COX7B: variants seen among roughly 807,000 people sequenced by gnomAD.
COX7B encodes the protein cytochrome c oxidase subunit 7B, mitochondrial.
Under a neutral mutation model 7.9 loss-of-function variants are expected in COX7B, and 2 were observed. That is an observed-to-expected ratio of 0.25 (90% CI 0.10 to 0.79). The LOEUF (loss-of-function observed/expected upper bound fraction) is 0.79. Among genes scored for constraint, COX7B ranks in the 30% least tolerant of loss-of-function variants. The pLI, the probability that COX7B is intolerant of heterozygous loss-of-function variation, is 0.69. For synonymous variants in COX7B, 19 were observed against 21.1 expected, an observed-to-expected ratio of 0.90 and a Z score of 0.27; for missense variants, 54 against 62.7, an observed-to-expected ratio of 0.86 and a Z score of 0.47.
intron 1 of COX7B, among the ~76,000 whole-genome samples, chrX:77,900,402 G>A (rs1238476479): frequency 8.9e-6 from 1 of 112,173 alleles, no homozygotes; most frequent in African/African-American, 3.2e-5. Context: ...TGTCCTGAAG[G>A]CAATCGTGGT....
chrX:77,905,088 C>T (rs1314721416), intron 2 of COX7B, 96 bp from the exon 3 acceptor site: 5 of 712,582 alleles, frequency 7.0e-6, no homozygotes, highest in Non-Finnish European at 8.8e-6. Flanking sequence ...GTATTTTTAA[C>T]CTATAGAACA....
At chrX:77,902,866 G>T in intron 2 of COX7B, 99 bp downstream of exon 2, 4 of 822,041 alleles carry the variant, frequency 4.9e-6, no homozygotes, top group Non-Finnish European at 6.8e-6. Context: ...ATCTAGTTAG[G>T]AGGGACTTGA....
intron 1 of COX7B, among the ~76,000 whole-genome samples, chrX:77,901,326 A>G (rs1217491420): frequency 1.9e-5 from 2 of 106,910 alleles, no homozygotes; most frequent in African/African-American, 6.8e-5. Context: ...GTTCACTGCA[A>G]TCTCCGTCTC....
chrX:77,902,694 C>G lies in COX7B; in HGVS notation c.92C>G (p.Pro31Arg), dbSNP rs781962321. The G allele has an allele frequency of 1.7e-6, 2 of 1,209,010 alleles. No homozygotes were observed. Among genetic ancestry groups the G allele is most frequent in the South Asian group, 1.8e-5 (1 of 56,886 alleles). The change falls in exon 2 of 3, where the codon CCT becomes CGT. Residue 31 changes from proline to arginine, a missense_variant. Pro to Arg is a moderately radical substitution (Grantham distance 103). Coordinates refer to ENST00000650309, the MANE Select transcript of COX7B (RefSeq NM_001866.3). ...MARQSHQKRT[P>R]DFHDKYGNAV... ...AGGCAGAGCCACCAGAAACGTACACCTGATTTTCATGACAAATACGGTAAT... is the reference window on the plus strand; with the variant it reads ...AGGCAGAGCCACCAGAAACGTACACGTGATTTTCATGACAAATACGGTAAT...
chrX:77,905,196 G>A lies in COX7B; in HGVS notation c.178G>A (p.Val60Ile). The change falls in exon 3 of 3, where the codon GTC becomes ATC. Residue 60 changes from valine (V) to isoleucine (I), a missense_variant. Coordinates refer to ENST00000650309, the MANE Select transcript of COX7B (RefSeq NM_001866.3). ...TTAATTCTTACAGGTAGCAACACAA[G>A]TCGGAATAGAATGGAACCTGTCCCC... is the stretch of plus-strand genomic sequence containing the variant. ...IVTWTYVATQ[V>I]GIEWNLSPVG... 1 of 1,208,978 alleles carries A rather than the reference G, an allele frequency of 8.3e-7. No individual in the cohort carries two copies. The highest frequency in any genetic ancestry group is 3.0e-5 in the East Asian group (1 of 33,839).
intron 1 of COX7B, chrX:77,901,774 G>A (rs1429412421): frequency 9.0e-6 from 1 of 111,288 alleles, no homozygotes; most frequent in African/African-American, 3.3e-5. Context: ...ACCCAGGCTG[G>A]AGTGTAGTGG....
In COX7B at chrX:77,905,336, C is replaced by T; in HGVS notation, c.*75C>T. The T allele has an allele frequency of 1.3e-6, 1 of 756,951 alleles. No homozygotes were observed. The highest frequency in any genetic ancestry group is 2.0e-6 in the Non-Finnish European group (1 of 495,084). 62.4% of individuals were successfully genotyped at this position (756,951 alleles called of 1,213,427 possible). A position where few individuals can be genotyped will look rare whatever the true frequency, so the allele number is the denominator to read the frequency against. ...GATGCCAAATTAAAGCACTGTGTACCCATTAAGATATGGCATTATTGAAGA... is the reference window on the plus strand; with the variant it reads ...GATGCCAAATTAAAGCACTGTGTACTCATTAAGATATGGCATTATTGAAGA... On this transcript the variant is annotated 3_prime_UTR_variant, in exon 3 of 3. Transcript: ENST00000650309.
chrX:77,906,314 TAA>T lies in COX7B; in HGVS notation c.*1055_*1056del, dbSNP rs782084868. The T allele has an allele frequency of 5.4e-5, 6 of 111,820 alleles. No homozygotes were observed. The highest frequency in any genetic ancestry group is 2.8e-4 in the East Asian group (1 of 3,546). 9.2% of individuals were successfully genotyped at this position (111,820 alleles called of 1,213,427 possible). ...CCTTTTCACTCCTGCCTAGAAAACT[TAA>T]AGTGTCACCAGACCCAAGGGCGGAG... On this transcript the variant is annotated 3_prime_UTR_variant, in exon 3 of 3. Coordinates refer to ENST00000650309, the MANE Select transcript of COX7B (RefSeq NM_001866.3).
Position 77,899,518 on chromosome X carries a change from C to G in COX7B, c.-36C>G. 1 of 1,208,741 alleles carries G rather than the reference C, an allele frequency of 8.3e-7. No individual in the cohort carries two copies. Among genetic ancestry groups the G allele is most frequent in the Non-Finnish European group, 1.1e-6 (1 of 892,970 alleles). ...CTGAAGCGAATTGGCACCAAAGCAG[C>G]AGCTGTATTGCCGCAGTTCTAGCTT... On this transcript the variant is annotated 5_prime_UTR_variant, in exon 1 of 3. Transcript: ENST00000650309.
intron 2 of COX7B, among the ~76,000 whole-genome samples, chrX:77,904,892 T>C (rs1394259701): frequency 8.9e-6 from 1 of 112,061 alleles, no homozygotes; most frequent in Non-Finnish European, 1.9e-5. Flanking sequence ...TCCTTGGTGA[T>C]ACTAGTCATA....
intron 2 of COX7B, among the ~76,000 whole-genome samples, chrX:77,904,061 T>C (rs1247634529): frequency 1.4e-4 from 15 of 105,920 alleles, no homozygotes; most frequent in Non-Finnish European, 2.9e-4. Context: ...GCCTTCCGAG[T>C]AGCTGGGACT....
At chrX:77,901,842 A>T (rs1231219491) in intron 1 of COX7B, 10 of 111,531 alleles carry the variant, frequency 9.0e-5, no homozygotes, top group African/African-American at 2.6e-4. Context: ...GTCCGGCCAC[A>T]GCCTCCTGAG....
chrX:77,902,766 A>T lies in COX7B; in HGVS notation c.164A>T (p.Tyr55Phe). The change falls in exon 2 of 3, where the codon TAT becomes TTT. Residue 55 changes from tyrosine to phenylalanine, a missense_variant and splice_region_variant. By Grantham distance (22) the Tyr-to-Phe change is conservative. Coordinates refer to ENST00000650309, the MANE Select transcript of COX7B (RefSeq NM_001866.3). ...ACTTTCTGTATTGTTACATGGACAT[A>T]TGTAAGTACTATTGATTAATAATTT... is the stretch of plus-strand genomic sequence containing the variant. ...GATFCIVTWTYVATQVGIEWN... is the reference protein window; with the variant it reads ...GATFCIVTWTFVATQVGIEWN... 8.3e-7 allele frequency: 1 copy of T among 1,202,892 alleles called. No homozygotes were observed. The highest frequency in any genetic ancestry group is 1.7e-5 in the African/African-American group (1 of 57,579).
rs1208547378 is a variant in COX7B at position 77,907,108 on chromosome X, T to A, written c.*1847T>A. The A allele has an allele frequency of 9.0e-6, 1 of 111,652 alleles. No individual in the cohort carries two copies. 9.2% of individuals were successfully genotyped at this position (111,652 alleles called of 1,213,427 possible). A position where few individuals can be genotyped will look rare whatever the true frequency, so the allele number is the denominator to read the frequency against. On this transcript the variant is annotated 3_prime_UTR_variant, in exon 3 of 3. Transcript: ENST00000650309. ...TGCTTATTACATAGAGTGCTAGAAGTATGCTGTCATGGCATATGTCCTAGT... is the reference window on the plus strand; with the variant it reads ...TGCTTATTACATAGAGTGCTAGAAGAATGCTGTCATGGCATATGTCCTAGT...
At chrX:77,905,137 TG>T (rs2149034161) in intron 2 of COX7B, 46 bp from the exon 3 acceptor site, 1 of 957,998 alleles carries the variant, frequency 1.0e-6, no homozygotes, top group Non-Finnish European at 1.5e-6. Context: ...TCCGAGAGAG[TG>T]TACTCTGGTT....
In COX7B at chrX:77,899,530, C is replaced by T. The variant is rs924139812; in HGVS notation, c.-24C>T. The T allele has an allele frequency of 3.3e-6, 4 of 1,210,438 alleles. No individual in the cohort carries two copies. Among genetic ancestry groups the T allele is most frequent in the Non-Finnish European group, 4.5e-6 (4 of 894,626 alleles). On this transcript the variant is annotated 5_prime_UTR_variant, in exon 1 of 3. Transcript: ENST00000650309. ...GGCACCAAAGCAGCAGCTGTATTGC[C>T]GCAGTTCTAGCTTCACCTTCACGAT...
Position 77,906,534 on chromosome X carries a change from T to C in COX7B, c.*1273T>C, listed in dbSNP as rs1372669911. On this transcript the variant is annotated 3_prime_UTR_variant, in exon 3 of 3. Transcript: ENST00000650309. ...CTATCAGTCACCTGTTGTATAATTATAACAATGTTTGGATTTGTGGATTAT... is the reference window on the plus strand; with the variant it reads ...CTATCAGTCACCTGTTGTATAATTACAACAATGTTTGGATTTGTGGATTAT... 2.7e-5 allele frequency: 3 copies of C among 112,582 alleles called. No individual in the cohort carries two copies. Among genetic ancestry groups the C allele is most frequent in the Non-Finnish European group, 5.6e-5 (3 of 53,364 alleles). The allele number at this position is 112,582 out of a possible 1,213,427, so 9.3% of individuals were successfully genotyped here. A position where few individuals can be genotyped will look rare whatever the true frequency, so the allele number is the denominator to read the frequency against.
chrX:77,902,287 C>T (rs1406029245), intron 1 of COX7B, among the ~76,000 whole-genome samples: 1 of 111,942 alleles, frequency 8.9e-6, no homozygotes, highest in Non-Finnish European at 1.9e-5. Context: ...GAGAATGTTA[C>T]TGACATCATT....
intron 1 of COX7B, among the ~76,000 whole-genome samples, chrX:77,900,078 G>A (rs992301154): frequency 8.9e-6 from 1 of 112,092 alleles, no homozygotes; most frequent in Admixed American, 9.5e-5. Context: ...GATTAACAAT[G>A]TTAGCTGGCC....
Sources: allele counts gnomAD v4.1 joint callset (sites outside exome capture counted in the v4.1 genomes callset), GRCh38; gene constraint gnomAD v4.1.1; transcripts MANE v1.5; gene names NCBI Gene and HGNC (gene_info 2026-07-23, HGNC 2026-07-21).